C10orf90: variants seen among roughly 807,000 people sequenced by gnomAD.
C10orf90 encodes (E2-independent) E3 ubiquitin-conjugating enzyme FATS.
Under a neutral mutation model 62.5 loss-of-function variants are expected in C10orf90, and 56 were observed. The observed-to-expected ratio is 0.90, with a 90% CI of 0.72 to 1.12. The LOEUF is 1.12. Ranked by LOEUF, C10orf90 falls within the 50% of genes most tolerant of loss-of-function variation. C10orf90 has a pLI of 0.00. For synonymous variants in C10orf90, 386 were observed against 340.4 expected (o/e 1.13, Z -1.47); for missense variants, 970 against 880.4 (o/e 1.10, Z -1.29).
chr10:126,594,554 G>A (rs555495241), intron 2 of C10orf90, among the ~76,000 whole-genome samples: 1 of 152,290 alleles, frequency 6.6e-6, no homozygotes, highest in Admixed American at 6.5e-5. Context: ...CCCTCCTGGT[G>A]ACTGTATTCA....
intron 2 of C10orf90, among the ~76,000 whole-genome samples, chr10:126,535,852 T>TC (rs1219055305): frequency 1.3e-5 from 2 of 152,124 alleles, no homozygotes; most frequent in Non-Finnish European, 2.9e-5. Flanking sequence ...CACTTCCAGC[T>TC]CAGGCCCACG....
chr10:126,509,166 GA>G (rs1342936992), intron 3 of C10orf90, among the ~76,000 whole-genome samples: 5 of 152,188 alleles, frequency 3.3e-5, no homozygotes, highest in Non-Finnish European at 1.5e-5. Flanking sequence ...GTGAACGGAT[GA>G]GGGAAGAGCA....
In C10orf90 at chr10:126,574,714, C is replaced by T. The variant is rs188052535; in HGVS notation, c.314-60775G>A. 4.6e-5 allele frequency among the ~76,000 whole-genome samples: 7 copies of T among 152,082 alleles called. No homozygotes were observed. The East Asian group carries it at 1.4e-3, about 29-fold the overall frequency. On this transcript the variant is annotated intron_variant, in intron 2 of 9. Transcript: ENST00000488181. The stretch of plus-strand genomic sequence containing the variant: ...ACTAATAATATTAATTAATAATCTC[C>T]AGTACCCATTTATGAACTTTTTAAA...
intron 4 of C10orf90, among the ~76,000 whole-genome samples, chr10:126,494,531 C>A (rs541772280): frequency 3.9e-5 from 6 of 152,234 alleles, no homozygotes; most frequent in African/African-American, 1.4e-4. Context: ...TCCTGTGGGG[C>A]GCACATGAAT....
intron 7 of C10orf90, among the ~76,000 whole-genome samples, chr10:126,440,559 C>T (rs1858240311): frequency 6.6e-6 from 1 of 152,162 alleles, no homozygotes; most frequent in Admixed American, 6.5e-5. Context: ...CTAGAAAGTG[C>T]CACCTCCCAG....
chr10:126,460,777 G>A (rs927668149), intron 6 of C10orf90, among the ~76,000 whole-genome samples: 6 of 152,152 alleles, frequency 3.9e-5, no homozygotes, highest in African/African-American at 1.4e-4. Context: ...GCAACTGCAG[G>A]GAGATTTGCA....
chr10:126,550,197 C>A (rs1453929184), intron 2 of C10orf90, among the ~76,000 whole-genome samples: 2 of 151,842 alleles, frequency 1.3e-5, no homozygotes, highest in Admixed American at 6.6e-5. Flanking sequence ...CTCAGGTGAT[C>A]TGCCTGCCTC....
At chr10:126,654,176 C>T (rs899654882) in intron 1 of C10orf90, among the ~76,000 whole-genome samples, 1 of 152,154 alleles carries the variant, frequency 6.6e-6, no homozygotes, top group Non-Finnish European at 1.5e-5. Flanking sequence ...TTCATTATCC[C>T]TAACAAGAGA....
intron 7 of C10orf90, among the ~76,000 whole-genome samples, chr10:126,444,691 CA>C (rs1290120993): frequency 8.6e-5 from 13 of 152,022 alleles, no homozygotes; most frequent in African/African-American, 3.1e-4. Flanking sequence ...CATGTGAAAT[CA>C]AAAAAGAGCC....
intron 2 of C10orf90, among the ~76,000 whole-genome samples, chr10:126,624,353 A>AG (rs1845702907): frequency 6.6e-6 from 1 of 152,108 alleles, no homozygotes; most frequent in Non-Finnish European, 1.5e-5. Flanking sequence ...CTAAAAAAAA[A>AG]AGAGAGAGAG....
intron 1 of C10orf90, among the ~76,000 whole-genome samples, chr10:126,655,919 G>T (rs970181260): frequency 6.6e-5 from 10 of 150,984 alleles, no homozygotes; most frequent in South Asian, 2.1e-4. Flanking sequence ...CCCTGGGCCT[G>T]GGGGGGAGAA....
chr10:126,565,126 A>AATATTATATTACATATTATG (rs1564874033), intron 2 of C10orf90, among the ~76,000 whole-genome samples: 20 of 28,338 alleles, frequency 7.1e-4, no homozygotes, highest in East Asian at 1.5e-3. Context: ...TATATAATAT[A>AATATTATATTACATATTATG]TAATATAAAT....
At chr10:126,531,546 T>C (rs1249682658) in intron 2 of C10orf90, among the ~76,000 whole-genome samples, 3 of 152,210 alleles carry the variant, frequency 2.0e-5, no homozygotes, top group Non-Finnish European at 4.4e-5. Context: ...AAGTAGAGTT[T>C]ATCCCAAGAA....
chr10:126,496,271 A>T (rs1862051021), intron 4 of C10orf90, among the ~76,000 whole-genome samples: 1 of 152,194 alleles, frequency 6.6e-6, no homozygotes, highest in Admixed American at 6.5e-5. Context: ...GAAAAAACAA[A>T]AAACAAAGCC....
intron 3 of C10orf90, among the ~76,000 whole-genome samples, chr10:126,510,888 G>A (rs772961437): frequency 1.5e-4 from 23 of 152,314 alleles, no homozygotes; most frequent in Non-Finnish European, 3.1e-4. Flanking sequence ...TAAGCCACTG[G>A]AGAGGCGATG....
At chr10:126,516,224 G>T (rs967322127) in intron 2 of C10orf90, among the ~76,000 whole-genome samples, 1 of 152,200 alleles carries the variant, frequency 6.6e-6, no homozygotes, top group Non-Finnish European at 1.5e-5. Context: ...CAAAAATGCT[G>T]CTTTGCCATC....
rs1417707891 is a variant in C10orf90 at position 126,504,172 on chromosome 10, T to A, written c.1319A>T (p.His440Leu). Residue 440 changes from histidine (H) to leucine (L), a missense_variant, in exon 4 of 10, where the codon CAC (histidine) becomes CTC (leucine). By Grantham distance (99) the His-to-Leu change is moderately conservative. Transcript: ENST00000488181. The surrounding 1 kb of genome is among the most constrained non-coding windows in gnomAD (Gnocchi z 4.1). ...QRWNPGLQES[H>L]LKETPSLRRV... is the part of the protein sequence containing the mutation. ...CCTCAACGATGGGGTTTCCTTCAAG[T>A]GACTTTCTTGTAAACCTGGGTTCCA... 35 of 1,613,970 alleles carry A rather than the reference T, an allele frequency of 2.2e-5. No individual in the cohort carries two copies. The highest frequency in any genetic ancestry group is 3.0e-5 in the Non-Finnish European group (35 of 1,180,028).
At chr10:126,502,045 C>G (rs1480279521) in intron 4 of C10orf90, among the ~76,000 whole-genome samples, 3 of 138,898 alleles carry the variant, frequency 2.2e-5, no homozygotes, top group Non-Finnish European at 4.7e-5. Flanking sequence ...AACCACACAC[C>G]CACACCACAC....
chr10:126,495,194 A>G (rs1329648256), intron 4 of C10orf90, among the ~76,000 whole-genome samples: 1 of 152,112 alleles, frequency 6.6e-6, no homozygotes, highest in Non-Finnish European at 1.5e-5. Context: ...TTAACCAGGG[A>G]GGCACTGACT....
Sources: gnomAD v4.1 joint callset for allele counts (sites outside exome capture counted in the v4.1 genomes callset) on GRCh38, gnomAD v4.1.1 for gene constraint, Gnocchi (gnomAD v3.1) non-coding constraint, MANE v1.5 for transcripts, NCBI Gene and HGNC (gene_info 2026-07-23, HGNC 2026-07-21) for gene names.